FLNB: variants seen among roughly 807,000 people sequenced by gnomAD.
The protein encoded by FLNB is filamin-B.
FLNB carries 111 observed loss-of-function variants against 250.6 expected under a neutral mutation model. The observed-to-expected ratio is 0.44, with a 90% CI of 0.38 to 0.52. FLNB has a LOEUF of 0.52. FLNB is among the 20% of genes least tolerant of loss of function. The pLI, the probability that FLNB is intolerant of heterozygous loss-of-function variation, is 0.00. For missense variants in FLNB, 2,869 were observed against 3,447.8 expected, an observed-to-expected ratio of 0.83 and a Z score of 4.20; for synonymous variants, 1,302 against 1,372.1, an observed-to-expected ratio of 0.95 and a Z score of 1.13.
chr3:58,013,313 G>A (rs2097101543), intron 1 of FLNB, among the ~76,000 whole-genome samples: 1 of 152,280 alleles, frequency 6.6e-6, no homozygotes, highest in African/African-American at 2.4e-5. Flanking sequence ...CTTAAACCAG[G>A]CCAGCGCCAG....
intron 4 of FLNB, among the ~76,000 whole-genome samples, chr3:58,083,970 G>A (rs149695517): frequency 0.046 from 6,937 of 152,040 alleles, 243 homozygotes; most frequent in Non-Finnish European, 0.067. Flanking sequence ...GAGGCAGGCA[G>A]ATCACAAGGT....
intron 28 of FLNB, among the ~76,000 whole-genome samples, chr3:58,136,983 A>G (rs940531313): frequency 6.6e-6 from 1 of 151,928 alleles, no homozygotes; most frequent in Non-Finnish European, 1.5e-5. Context: ...AGCCTCCCAA[A>G]GTGCTGGGAT....
chr3:58,055,434 C>A (rs2097169011), intron 1 of FLNB, among the ~76,000 whole-genome samples: 1 of 152,138 alleles, frequency 6.6e-6, no homozygotes, highest in Non-Finnish European at 1.5e-5. Context: ...TGTGGAGAGA[C>A]CCATTTTCAG....
intron 6 of FLNB, among the ~76,000 whole-genome samples, chr3:58,096,676 T>A (rs1439013103): frequency 6.6e-6 from 1 of 152,068 alleles, no homozygotes; most frequent in Non-Finnish European, 1.5e-5. Context: ...TCCCAGCTAA[T>A]TTTTGCATTT....
Position 58,123,704 on chromosome 3 carries a change from A to G in FLNB, c.3724+14A>G, listed in dbSNP as rs63448560. The G allele has an allele frequency of 1.9e-5, 1 of 52,594 alleles. No homozygotes were observed. The highest frequency in any genetic ancestry group is 2.7e-5 in the Non-Finnish European group (1 of 36,646). The allele number at this position is 52,594 out of a possible 1,614,324, so 3.3% of individuals were successfully genotyped here. A position where few individuals can be genotyped will look rare whatever the true frequency, so the allele number is the denominator to read the frequency against. On this transcript the variant is annotated intron_variant, in intron 21 of 45. Transcript: ENST00000295956. ...TAGAAGGGAAAGGTGGGTTTCATTT[A>G]AAAAAAAAAAAAAAAAAAAAAAGAC...
intron 33 of FLNB, chr3:58,146,615 G>T: frequency 1.7e-6 from 1 of 590,738 alleles, no homozygotes. Context: ...GAAGAACTCA[G>T]ATGTTTGGGG....
chr3:58,048,505 G>T (rs545750774), intron 1 of FLNB, among the ~76,000 whole-genome samples: 1 of 152,134 alleles, frequency 6.6e-6, no homozygotes, highest in East Asian at 1.9e-4. Context: ...ACTTCCTGAG[G>T]TCATAGGTAC....
intron 21 of FLNB, 81 bp from the exon 22 acceptor site, chr3:58,124,251 A>G: frequency 6.9e-7 from 1 of 1,445,850 alleles, no homozygotes; most frequent in Non-Finnish European, 9.7e-7. Flanking sequence ...TGTGTCCTGA[A>G]GTGCCAAGAA....
At chr3:58,009,214 CG>C (rs780436175) in intron 1 of FLNB, among the ~76,000 whole-genome samples, 6 of 152,168 alleles carry the variant, frequency 3.9e-5, no homozygotes, top group Non-Finnish European at 5.9e-5. Context: ...TCCCCGGGGG[CG>C]GGCCCTAGGG....
chr3:58,042,345 GTTTT>G (rs541022128), intron 1 of FLNB, among the ~76,000 whole-genome samples: 3 of 130,542 alleles, frequency 2.3e-5, no homozygotes, highest in Non-Finnish European at 3.2e-5. Context: ...GTCTCTGTAG[GTTTT>G]TTTTTTTTTT....
intron 1 of FLNB, among the ~76,000 whole-genome samples, chr3:58,037,308 G>A (rs773106107): frequency 3.9e-5 from 6 of 152,042 alleles, no homozygotes; most frequent in African/African-American, 1.2e-4. Flanking sequence ...CAGGCCATCC[G>A]CTCGCTTTGG....
chr3:58,023,615 A>G (rs2097117899), intron 1 of FLNB, among the ~76,000 whole-genome samples: 1 of 152,320 alleles, frequency 6.6e-6, no homozygotes, highest in African/African-American at 2.4e-5. Context: ...TGGACTGGAA[A>G]TGCTTTGTGA....
chr3:58,160,105 TGTTA>T (rs927938689), intron 42 of FLNB, among the ~76,000 whole-genome samples: 4 of 152,196 alleles, frequency 2.6e-5, no homozygotes, highest in African/African-American at 4.8e-5. Flanking sequence ...CTTTGTTTTC[TGTTA>T]GTTTTTCAGA....
chr3:58,053,300 C>G (rs1475115556), intron 1 of FLNB, among the ~76,000 whole-genome samples: 1 of 152,194 alleles, frequency 6.6e-6, no homozygotes, highest in African/African-American at 2.4e-5. Flanking sequence ...CCTCCTGCCT[C>G]AGCTGCCTGA....
chr3:58,168,218 G>A (rs2097374218), intron 43 of FLNB, among the ~76,000 whole-genome samples: 1 of 152,208 alleles, frequency 6.6e-6, no homozygotes, highest in Non-Finnish European at 1.5e-5. Flanking sequence ...TGGGCGAAAT[G>A]TCAGCCATGC....
Position 58,164,813 on chromosome 3 carries a change from G to C in FLNB, c.7198+1483G>C, listed in dbSNP as rs2097367661. ...ACAGATGTGGAAAGTGAGATGCAGA[G>C]GTTGAGTCACTCCCCAAACAACACT... On this transcript the variant is annotated intron_variant, in intron 43 of 45. Coordinates refer to ENST00000295956, the MANE Select transcript of FLNB (RefSeq NM_001457.4). The surrounding 1 kb of genome is among the most constrained non-coding windows in gnomAD (Gnocchi z 4.0). The C allele has an allele frequency of 6.6e-6, 1 of 152,482 alleles. No individual in the cohort carries two copies. Among genetic ancestry groups the C allele is most frequent in the Admixed American group, 6.5e-5 (1 of 15,290 alleles). The allele number at this position is 152,482 out of a possible 1,614,324, so 9.4% of individuals were successfully genotyped here.
chr3:58,123,320 A>G lies in FLNB; in HGVS notation c.3354A>G (p.Ile1118Met). 1 of 1,614,040 alleles carries G rather than the reference A, an allele frequency of 6.2e-7. No homozygotes were observed. The highest frequency in any genetic ancestry group is 8.5e-7 in the Non-Finnish European group (1 of 1,180,008). ...FVNILFEEVH[I>M]PGSPFKADIE... is the part of the protein sequence containing the mutation. The stretch of plus-strand genomic sequence containing the variant: ...ACATCCTCTTTGAAGAAGTCCACAT[A>G]CCTGGGTCTCCCTTCAAAGCTGACA... Residue 1118 changes from isoleucine (I) to methionine (M), a missense_variant, in exon 21 of 46, where the codon ATA (isoleucine) becomes ATG (methionine). Ile to Met is a conservative substitution (Grantham distance 10). Transcript: ENST00000295956.
Position 58,124,399 on chromosome 3 carries a change from C to T in FLNB, c.3792C>T (p.Asp1264=). The stretch of plus-strand genomic sequence containing the variant: ...GGCCGCTGACCCAGGTTGGGGGTGA[C>T]CACATCAAGGCCCACATTGCCAACC... ...DSRPLTQVGG[D]HIKAHIANPS... The change falls in exon 22 of 46, where the codon GAC becomes GAT. Residue 1264 remains aspartate, a synonymous_variant. Coordinates refer to ENST00000295956, the MANE Select transcript of FLNB (RefSeq NM_001457.4). 1 of 1,614,232 alleles carries T rather than the reference C, an allele frequency of 6.2e-7. No homozygotes were observed. The highest frequency in any genetic ancestry group is 8.5e-7 in the Non-Finnish European group (1 of 1,180,030).
chr3:58,026,751 C>T (rs1297114719), intron 1 of FLNB, among the ~76,000 whole-genome samples: 1 of 152,160 alleles, frequency 6.6e-6, no homozygotes, highest in Non-Finnish European at 1.5e-5. Context: ...GCCTGCTGTT[C>T]ATAATTGGGC....
Sources: gnomAD v4.1 joint callset for allele counts (sites outside exome capture counted in the v4.1 genomes callset) on GRCh38, gnomAD v4.1.1 for gene constraint, Gnocchi (gnomAD v3.1) non-coding constraint, MANE v1.5 for transcripts, NCBI Gene and HGNC (gene_info 2026-07-23, HGNC 2026-07-21) for gene names.